TMEM236: variants seen among roughly 807,000 people sequenced by gnomAD.
TMEM236 encodes the protein family with sequence similarity 23, member A.
TMEM236 carries 11 observed loss-of-function variants against 14.7 expected under a neutral mutation model. That is an observed-to-expected ratio of 0.75 (90% CI 0.47 to 1.24). The LOEUF (loss-of-function observed/expected upper bound fraction) is 1.24. Among genes scored for constraint, TMEM236 ranks in the 50% most tolerant of loss-of-function variants. TMEM236 has a pLI of 0.00. For missense variants in TMEM236, 464 were observed against 427.3 expected, an observed-to-expected ratio of 1.09 and a Z score of -0.76; for synonymous variants, 182 against 168.6, an observed-to-expected ratio of 1.08 and a Z score of -0.62.
intron 1 of TMEM236, among the ~76,000 whole-genome samples, chr10:17,762,630 T>TAC (rs1351799250): frequency 0.041 from 3,297 of 80,668 alleles, 154 homozygotes; most frequent in East Asian, 0.16. Context: ...CACACATACA[T>TAC]ATATATATAT....
At chr10:17,756,438 GT>G (rs1837285297) in intron 1 of TMEM236, among the ~76,000 whole-genome samples, 1 of 152,058 alleles carries the variant, frequency 6.6e-6, no homozygotes, top group Non-Finnish European at 1.5e-5. Flanking sequence ...GGGGATTACA[GT>G]TGTGCACGAC....
chr10:17,753,543 C>T (rs1837239802), intron 1 of TMEM236, among the ~76,000 whole-genome samples: 1 of 152,126 alleles, frequency 6.6e-6, no homozygotes, highest in South Asian at 2.1e-4. Context: ...GTAATGGCCT[C>T]CAGCTCCATC....
At position 17,800,547 on chromosome 10, in the gene TMEM236, A is replaced by T. The variant is rs1205361686; in HGVS notation, c.*4043A>T. Reference sequence around the variant, plus strand: ...TAGGGCCCCATTTCACTGAATGACAATTGCAATGAGGCATAGGAAAGAAAA... The same window carrying T: ...TAGGGCCCCATTTCACTGAATGACATTTGCAATGAGGCATAGGAAAGAAAA... On this transcript the variant is annotated 3_prime_UTR_variant, in exon 4 of 4. Coordinates refer to ENST00000377495, the MANE Select transcript of TMEM236 (RefSeq NM_001098844.3). The T allele has an allele frequency of 6.6e-6, 1 of 152,148 alleles. No individual in the cohort carries two copies. The highest frequency in any genetic ancestry group is 2.4e-5 in the African/African-American group (1 of 41,434). The allele number at this position is 152,148 out of a possible 1,614,324, so 9.4% of individuals were successfully genotyped here. A position where few individuals can be genotyped will look rare whatever the true frequency, so the allele number is the denominator to read the frequency against.
chr10:17,786,145 G>A (rs1368449888), intron 3 of TMEM236, among the ~76,000 whole-genome samples: 2 of 152,248 alleles, frequency 1.3e-5, no homozygotes, highest in Admixed American at 6.5e-5. Context: ...CTTGCAAGTC[G>A]CAGAATACTT....
intron 3 of TMEM236, among the ~76,000 whole-genome samples, chr10:17,780,497 G>C (rs931579174): frequency 6.6e-6 from 1 of 152,146 alleles, no homozygotes; most frequent in Non-Finnish European, 1.5e-5. Context: ...TGCCACAGAT[G>C]AAGGAAAACT....
rs868980882 is a variant in TMEM236, at chr10:17,762,620, C to T, written c.258-8689C>T. On this transcript the variant is annotated intron_variant, in intron 1 of 3. Coordinates refer to ENST00000377495, the MANE Select transcript of TMEM236 (RefSeq NM_001098844.3). ...ATATATATATATATATATATATATACACACATACATATATATATATATTTA... is the reference window on the plus strand; with the variant it reads ...ATATATATATATATATATATATATATACACATACATATATATATATATTTA... Among the ~76,000 whole-genome samples, 407 of 44,208 alleles carry T rather than the reference C, an allele frequency of 9.2e-3. 7 individuals carry two copies. The highest frequency in any genetic ancestry group is 0.014 in the Middle Eastern group (1 of 72). 29.0% of individuals were successfully genotyped at this position (44,208 alleles called of 152,430 possible).
intron 1 of TMEM236, among the ~76,000 whole-genome samples, chr10:17,760,918 C>T (rs1243081888): frequency 1.3e-5 from 2 of 152,178 alleles, no homozygotes; most frequent in Non-Finnish European, 2.9e-5. Context: ...TATTCAATTA[C>T]CTCCCACCAG....
intron 1 of TMEM236, among the ~76,000 whole-genome samples, chr10:17,756,027 G>A (rs1350724757): frequency 2.0e-5 from 3 of 152,314 alleles, no homozygotes; most frequent in Admixed American, 6.5e-5. Flanking sequence ...AACACTTTGG[G>A]AGGCCAAGGT....
At chr10:17,762,811 C>T (rs1837398174) in intron 1 of TMEM236, among the ~76,000 whole-genome samples, 1 of 151,262 alleles carries the variant, frequency 6.6e-6, no homozygotes, top group Non-Finnish European at 1.5e-5. Flanking sequence ...TGCACTATGA[C>T]ACCTGACTAA....
chr10:17,752,711 C>T (rs1321084473), intron 1 of TMEM236, among the ~76,000 whole-genome samples, 159 bp downstream of exon 1: 1 of 152,034 alleles, frequency 6.6e-6, no homozygotes, highest in East Asian at 1.9e-4. Context: ...GGATTACAGT[C>T]GCACACCACC....
chr10:17,764,735 G>A (rs1168199523), intron 1 of TMEM236, among the ~76,000 whole-genome samples: 2 of 151,798 alleles, frequency 1.3e-5, no homozygotes, highest in African/African-American at 4.8e-5. Context: ...TCCTTGACCT[G>A]TAGATGCATC....
intron 3 of TMEM236, among the ~76,000 whole-genome samples, chr10:17,785,399 G>C (rs1837818040): frequency 2.0e-5 from 3 of 152,188 alleles, no homozygotes. Context: ...GCTAGGAGCT[G>C]TCATAAATAT....
At chr10:17,786,007 A>C (rs368079190) in intron 3 of TMEM236, among the ~76,000 whole-genome samples, 22,674 of 152,214 alleles carry the variant, frequency 0.15, 1,753 homozygotes, top group African/African-American at 0.19. Flanking sequence ...GGTGCTATCA[A>C]AATTTTCAGT....
chr10:17,756,646 C>T (rs1187174235), intron 1 of TMEM236, among the ~76,000 whole-genome samples: 3 of 152,034 alleles, frequency 2.0e-5, no homozygotes, highest in Non-Finnish European at 4.4e-5. Context: ...GAGAAAATTG[C>T]CGATTAGAGA....
rs994676689 is a variant in TMEM236 at position 17,757,859 on chromosome 10, C to G, written c.257+5307C>G. ...TATCCGCTCACTGCAACCTCCACCT[C>G]TGGGGTTTAAGCTATTGTCTCATCT... is the stretch of plus-strand genomic sequence containing the variant. On this transcript the variant is annotated intron_variant, in intron 1 of 3. Coordinates refer to ENST00000377495, the MANE Select transcript of TMEM236 (RefSeq NM_001098844.3). 4.3e-3 allele frequency among the ~76,000 whole-genome samples: 656 copies of G among 152,190 alleles called. 9 individuals are homozygous for G. The highest frequency in any genetic ancestry group is 0.019 in the Admixed American group (291 of 15,276).
intron 3 of TMEM236, among the ~76,000 whole-genome samples, chr10:17,789,298 A>G (rs1003908950): frequency 6.6e-6 from 1 of 152,344 alleles, no homozygotes; most frequent in Non-Finnish European, 1.5e-5. Flanking sequence ...CCAGATAATG[A>G]GTTATAGTGT....
chr10:17,754,587 A>G (rs948418659), intron 1 of TMEM236, among the ~76,000 whole-genome samples: 8 of 152,298 alleles, frequency 5.3e-5, no homozygotes, highest in African/African-American at 1.9e-4. Flanking sequence ...TTGGCCTCCC[A>G]AAGTGCTGAG....
At chr10:17,767,950 C>T (rs1227143170) in intron 1 of TMEM236, among the ~76,000 whole-genome samples, 1 of 150,378 alleles carries the variant, frequency 6.6e-6, no homozygotes, top group Non-Finnish European at 1.5e-5. Flanking sequence ...CGCTCTGTCA[C>T]CCAGGCTGGA....
At chr10:17,755,683 T>G (rs1837274996) in intron 1 of TMEM236, among the ~76,000 whole-genome samples, 1 of 152,150 alleles carries the variant, frequency 6.6e-6, no homozygotes, top group African/African-American at 2.4e-5. Context: ...TGTCCAAGAT[T>G]CCTGGCTGGG....
Sources: allele counts gnomAD v4.1 joint callset (sites outside exome capture counted in the v4.1 genomes callset), GRCh38; gene constraint gnomAD v4.1.1; transcripts MANE v1.5; gene names NCBI Gene and HGNC (gene_info 2026-07-23, HGNC 2026-07-21).